The following OCA2 variants were observed in gnomAD, a reference collection of about 807,000 sequenced individuals.
OCA2 encodes the protein OCA2 melanosomal transmembrane protein, also known as P protein.
A neutral mutation model predicts 100.2 loss-of-function variants in OCA2; 77 were observed. That is an observed-to-expected ratio of 0.77 (90% CI 0.64 to 0.93). OCA2 has a LOEUF of 0.93. Ranked by LOEUF, OCA2 falls within the 40% of genes least tolerant of loss-of-function variation. The probability of loss-of-function intolerance (pLI) is 0.00; values close to 1 mark genes in which losing one functional copy is unlikely to be tolerated. For missense variants in OCA2, 1,062 were observed against 1,089.1 expected (o/e 0.98, Z 0.35); for synonymous variants, 432 against 439.2 (o/e 0.98, Z 0.21).
intron 18 of OCA2, among the ~76,000 whole-genome samples, chr15:27,928,470 G>A (rs886670822): frequency 1.3e-5 from 2 of 152,180 alleles, no homozygotes; most frequent in Non-Finnish European, 2.9e-5. Context: ...ATAGGTCAGA[G>A]GATGCTGGTT....
downstream of OCA2, among the ~76,000 whole-genome samples, chr15:27,754,402 C>T (rs1039145259): frequency 1.3e-5 from 2 of 152,216 alleles, no homozygotes; most frequent in African/African-American, 4.8e-5. Context: ...ACAATCACTT[C>T]GGAGCAGTGT....
intron 15 of OCA2, among the ~76,000 whole-genome samples, chr15:27,961,499 C>T (rs1259096382): frequency 2.0e-5 from 3 of 152,152 alleles, no homozygotes; most frequent in Non-Finnish European, 4.4e-5. Flanking sequence ...CACATGCACA[C>T]GTATGCTTAT....
At chr15:27,911,689 A>C (rs1398628182) in intron 19 of OCA2, among the ~76,000 whole-genome samples, 1 of 152,178 alleles carries the variant, frequency 6.6e-6, no homozygotes, top group East Asian at 1.9e-4. Context: ...GATGGCACCA[A>C]GCCATTCTTA....
chr15:27,736,125 A>C, the OCA2 span, among the ~76,000 whole-genome samples: 1 of 152,192 alleles, frequency 6.6e-6, no homozygotes, highest in Admixed American at 6.5e-5. Context: ...TTAAAAAATA[A>C]AATAATAAAA....
chr15:27,979,702 CT>C lies in OCA2; in HGVS notation c.1503+3642del, dbSNP rs765838477. Among the ~76,000 whole-genome samples, 868 of 141,428 alleles carry C rather than the reference CT, an allele frequency of 6.1e-3. 4 individuals carry two copies. Among genetic ancestry groups the C allele is most frequent in the African/African-American group, 0.013 (521 of 38,902 alleles). 92.8% of individuals were successfully genotyped at this position (141,428 alleles called of 152,430 possible). A position where few individuals can be genotyped will look rare whatever the true frequency, so the allele number is the denominator to read the frequency against. On this transcript the variant is annotated intron_variant, in intron 14 of 23. Transcript: ENST00000354638. ...CTATAAAAAATCTTACATTAATATA[CT>C]TTTTTTTTTTTTTTGAGACAGAGTC...
At chr15:27,836,666 G>A (rs942300187) in intron 23 of OCA2, among the ~76,000 whole-genome samples, 4 of 152,160 alleles carry the variant, frequency 2.6e-5, no homozygotes, top group Admixed American at 1.3e-4. Flanking sequence ...ATGAATGTCT[G>A]CCTGGCTACC....
chr15:28,075,318 C>T (rs2044396969), intron 2 of OCA2, among the ~76,000 whole-genome samples: 1 of 152,070 alleles, frequency 6.6e-6, no homozygotes, highest in Admixed American at 6.6e-5. Flanking sequence ...TCACAAACCC[C>T]ATAATAGGAA....
rs114173512 is a variant in OCA2 at position 27,895,992 on chromosome 15, C to T, written c.2080-24070G>A. On this transcript the variant is annotated intron_variant, in intron 19 of 23. Transcript: ENST00000354638. ...AAGGTTGGCCTGACCAATTACGCTG[C>T]GGTGTATTGTACTGGCCTGCAGGCT... 9.0e-4 allele frequency: 749 copies of T among 836,704 alleles called. 2 individuals are homozygous for T. In the African/African-American group the frequency reaches 0.01, roughly 11 times the overall value. 51.8% of individuals were successfully genotyped at this position (836,704 alleles called of 1,614,324 possible).
At chr15:28,035,604 T>C (rs564647809) in intron 2 of OCA2, among the ~76,000 whole-genome samples, 1 of 152,376 alleles carries the variant, frequency 6.6e-6, no homozygotes, top group East Asian at 1.9e-4. Flanking sequence ...GTAGAAAATA[T>C]TGATGAGATC....
chr15:28,044,998 T>C (rs1470923455), intron 2 of OCA2, among the ~76,000 whole-genome samples: 2 of 152,214 alleles, frequency 1.3e-5, no homozygotes, highest in African/African-American at 2.4e-5. Context: ...TATGACAATG[T>C]CTACCTTTTA....
chr15:27,744,640 T>A, the OCA2 span, among the ~76,000 whole-genome samples: 1 of 152,248 alleles, frequency 6.6e-6, no homozygotes, highest in South Asian at 2.1e-4. Context: ...GCCCCATGTA[T>A]ATGCAGCTGA....
chr15:27,858,827 G>GAT (rs1293910138), intron 21 of OCA2, among the ~76,000 whole-genome samples: 3 of 151,966 alleles, frequency 2.0e-5, no homozygotes, highest in Non-Finnish European at 4.4e-5. Context: ...AATTTTAAAA[G>GAT]ATTAAAATAA....
chr15:27,760,498 C>T (rs139985435), intron 23 of OCA2, among the ~76,000 whole-genome samples: 52 of 150,960 alleles, frequency 3.4e-4, no homozygotes, highest in African/African-American at 1.3e-3. Context: ...AATAGGAAAA[C>T]AGTGGAGAAA....
intron 23 of OCA2, among the ~76,000 whole-genome samples, chr15:27,772,571 G>A (rs994654684): frequency 4.6e-5 from 7 of 152,092 alleles, no homozygotes; most frequent in Non-Finnish European, 7.4e-5. Context: ...GGCCGGGCAC[G>A]GTGGCTCACG....
intron 2 of OCA2, among the ~76,000 whole-genome samples, chr15:28,078,792 A>G (rs2044517607): frequency 6.6e-6 from 1 of 152,210 alleles, no homozygotes; most frequent in South Asian, 2.1e-4. Flanking sequence ...TAAGTTTGGG[A>G]GAAATTTGTT....
chr15:27,895,444 T>C (rs1429516843), intron 19 of OCA2, among the ~76,000 whole-genome samples: 1 of 152,218 alleles, frequency 6.6e-6, no homozygotes, highest in Non-Finnish European at 1.5e-5. Context: ...TTGAATGGCT[T>C]TGACCAAAAT....
At chr15:27,787,298 C>T (rs953377355) in intron 23 of OCA2, among the ~76,000 whole-genome samples, 1 of 152,070 alleles carries the variant, frequency 6.6e-6, no homozygotes, top group Non-Finnish European at 1.5e-5. Context: ...ACTAAAAAAT[C>T]TGGAAGAGCT....
intron 16 of OCA2, among the ~76,000 whole-genome samples, 163 bp from the exon 17 acceptor site, chr15:27,955,378 G>T (rs1046174057): frequency 6.6e-6 from 1 of 152,066 alleles, no homozygotes; most frequent in Non-Finnish European, 1.5e-5. Context: ...TTGTTGGCTG[G>T]AAAAGGTGCT....
intron 2 of OCA2, among the ~76,000 whole-genome samples, chr15:28,075,931 G>C (rs921853257): frequency 2.0e-5 from 3 of 152,196 alleles, no homozygotes; most frequent in Non-Finnish European, 4.4e-5. Flanking sequence ...AAATATTCCA[G>C]ATCTTGATTT....
Sources: allele counts gnomAD v4.1 joint callset (sites outside exome capture counted in the v4.1 genomes callset), GRCh38; gene constraint gnomAD v4.1.1; transcripts MANE v1.5; gene names NCBI Gene and HGNC (gene_info 2026-07-23, HGNC 2026-07-21).